Variants in ACOX3 observed in about 807,000 individuals in gnomAD.
The protein encoded by ACOX3 is peroxisomal acyl-coenzyme A oxidase 3.
A neutral mutation model predicts 81.5 loss-of-function variants in ACOX3; 73 were observed. The observed-to-expected ratio is 0.90, with a 90% CI of 0.74 to 1.09. The LOEUF is 1.09. Among genes scored for constraint, ACOX3 ranks in the 50% least tolerant of loss-of-function variants. ACOX3 has a pLI of 0.00. For missense variants in ACOX3, 947 were observed against 928.0 expected, an observed-to-expected ratio of 1.02 and a Z score of -0.27; for synonymous variants, 387 against 375.1, an observed-to-expected ratio of 1.03 and a Z score of -0.37.
At chr4:8,409,054 G>A (rs1721388719) in intron 6 of ACOX3, among the ~76,000 whole-genome samples, 1 of 152,178 alleles carries the variant, frequency 6.6e-6, no homozygotes, top group Admixed American at 6.5e-5. Context: ...GCGTTGTGAT[G>A]GCTGCATGAC....
Position 8,366,792 on chromosome 4 carries a change from C to A in ACOX3, c.*169G>T. On this transcript the variant is annotated 3_prime_UTR_variant, in exon 18 of 18. Transcript: ENST00000356406. ...CAGATTAGTCCAGCCGGCCGGGTGCCTCCCTCCCGTCCGCCTGGGCAGTTG... is the reference window on the plus strand; with the variant it reads ...CAGATTAGTCCAGCCGGCCGGGTGCATCCCTCCCGTCCGCCTGGGCAGTTG... 1 of 861,020 alleles carries A rather than the reference C, an allele frequency of 1.2e-6. No homozygotes were observed. Among genetic ancestry groups the A allele is most frequent in the Non-Finnish European group, 1.7e-6 (1 of 581,784 alleles). 53.3% of individuals were successfully genotyped at this position (861,020 alleles called of 1,614,324 possible). A position where few individuals can be genotyped will look rare whatever the true frequency, so the allele number is the denominator to read the frequency against.
downstream of ACOX3, among the ~76,000 whole-genome samples, chr4:8,364,602 G>A (rs1012716542): frequency 6.6e-6 from 1 of 152,160 alleles, no homozygotes; most frequent in East Asian, 1.9e-4. The surrounding 1 kb of genome is among the most constrained non-coding windows in gnomAD (Gnocchi z 5.0). Flanking sequence ...TCTCCTGCAC[G>A]AGAACCTGTC....
chr4:8,356,572 C>T, the ACOX3 span: 7 of 456,614 alleles, frequency 1.5e-5, no homozygotes, highest in Non-Finnish European at 3.1e-5. Context: ...ACCACACACA[C>T]GTACACAGAG....
At chr4:8,362,719 C>T (rs1230003982), downstream of ACOX3, among the ~76,000 whole-genome samples, 1 of 152,184 alleles carries the variant, frequency 6.6e-6, no homozygotes, top group Non-Finnish European at 1.5e-5. Flanking sequence ...CTGACAGGTC[C>T]AGTAGCCCCA....
At chr4:8,373,246 G>C (rs1716460518) in intron 16 of ACOX3, among the ~76,000 whole-genome samples, 1 of 151,884 alleles carries the variant, frequency 6.6e-6, no homozygotes, top group Admixed American at 6.5e-5. Flanking sequence ...TTCTGATGTA[G>C]CCATATTTTC....
Position 8,415,914 on chromosome 4 carries a change from A to G in ACOX3, c.230T>C (p.Leu77Pro). The G allele has an allele frequency of 1.2e-6, 2 of 1,614,234 alleles. No individual in the cohort carries two copies. The highest frequency in any genetic ancestry group is 1.7e-6 in the Non-Finnish European group (2 of 1,180,048). Residue 77 changes from leucine (L) to proline (P), a missense_variant, in exon 3 of 18, where the codon CTG becomes CCG. By Grantham distance (98) the Leu-to-Pro change is moderately conservative. Transcript: ENST00000356406. ...ADLSLEKYRE[L>P]NFLRCKRIFE... Reference sequence around the variant, plus strand: ...GATCCGCTTGCATCGAAGGAAGTTCAGCTCGCGATACTTCTCCAAGGACAG... The same window carrying G: ...GATCCGCTTGCATCGAAGGAAGTTCGGCTCGCGATACTTCTCCAAGGACAG...
rs568280026 is a variant in ACOX3, at chr4:8,378,487, G to A, written c.1653+3005C>T. Among the ~76,000 whole-genome samples the A allele has an allele frequency of 4.6e-5, 7 of 152,236 alleles. No individual in the cohort carries two copies. The South Asian group carries it at 8.3e-4, about 18-fold the overall frequency. On this transcript the variant is annotated intron_variant, in intron 14 of 17. Transcript: ENST00000356406. ...TTGTGGCAGGGGTTGGTCCCAGGCT[G>A]GAGGCAGGCTGCGGGGACGCCACCA... is the stretch of plus-strand genomic sequence containing the variant.
At position 8,414,324 on chromosome 4, in the gene ACOX3, G is replaced by C. The variant is rs140131783; in HGVS notation, c.511C>G (p.Arg171Gly). ...GCAGGATCGTAGTGGGCAGTTGTGC[G>C]AATGGCCTTGGTATTACTGCCGTGG... is the stretch of plus-strand genomic sequence containing the variant. Reference protein sequence around the residue: ...LSHGSNTKAIRTTAHYDPATE... With the variant: ...LSHGSNTKAIGTTAHYDPATE... Residue 171 changes from arginine (R) to glycine (G), a missense_variant, in exon 5 of 18, where the codon CGC becomes GGC. Transcript: ENST00000356406. This position sits in a 1 kb window ranked among gnomAD's most constrained non-coding sequence, Gnocchi z 6.1. The C allele has an allele frequency of 1.2e-4, 187 of 1,613,982 alleles. No individual in the cohort carries two copies. Among genetic ancestry groups the C allele is most frequent in the Non-Finnish European group, 1.6e-4 (183 of 1,180,018 alleles).
the ACOX3 span, chr4:8,355,626 C>T: frequency 6.6e-6 from 1 of 152,160 alleles, no homozygotes; most frequent in Non-Finnish European, 1.5e-5. Context: ...AAGGACTTTC[C>T]AAGCATGACC....
At chr4:8,438,843 C>G (rs1724403243) in intron 1 of ACOX3, 1 of 152,186 alleles carries the variant, frequency 6.6e-6, no homozygotes, top group Non-Finnish European at 1.5e-5. Flanking sequence ...GACCAGCCAG[C>G]AGGACACAGA....
intron 1 of ACOX3, among the ~76,000 whole-genome samples, chr4:8,417,481 T>C (rs1722465052): frequency 6.6e-6 from 1 of 151,772 alleles, no homozygotes; most frequent in South Asian, 2.1e-4. Flanking sequence ...GTGAGCCAAG[T>C]ACTACTGCCC....
chr4:8,379,873 C>G (rs527610791), intron 14 of ACOX3, among the ~76,000 whole-genome samples: 29 of 152,264 alleles, frequency 1.9e-4, no homozygotes, highest in Admixed American at 5.2e-4. Context: ...GCAGCCTCAA[C>G]CTCCTGGGCT....
chr4:8,365,166 G>A (rs73799143), downstream of ACOX3, among the ~76,000 whole-genome samples: 2,668 of 152,322 alleles, frequency 0.018, 79 homozygotes, highest in African/African-American at 0.061. Flanking sequence ...TGGGGACCCC[G>A]GGCCCGTGAG....
At chr4:8,373,799 C>A in intron 15 of ACOX3, 171 bp from the exon 16 acceptor site, 1 of 635,246 alleles carries the variant, frequency 1.6e-6, no homozygotes. Flanking sequence ...GAATGTGCTG[C>A]TCAGGGGCCG....
In ACOX3 at chr4:8,384,614, C is replaced by T. The variant is rs1296053573; in HGVS notation, c.1538-3007G>A. On this transcript the variant is annotated intron_variant, in intron 13 of 17. Coordinates refer to ENST00000356406, the MANE Select transcript of ACOX3 (RefSeq NM_003501.3). The surrounding 1 kb of genome is among the most constrained non-coding windows in gnomAD (Gnocchi z 5.3). ...CCGCCCTGTGCACCCAATGACTGCC[C>T]CTCGATCTGCCCCCTCCCCAGCTGG... Among the ~76,000 whole-genome samples the T allele has an allele frequency of 6.6e-6, 1 of 152,132 alleles. No homozygotes were observed. Among genetic ancestry groups the T allele is most frequent in the Non-Finnish European group, 1.5e-5 (1 of 68,020 alleles).
rs893257176 is a variant in ACOX3, at chr4:8,386,809, C to T, written c.1537+2364G>A. Among the ~76,000 whole-genome samples, 5 of 152,226 alleles carry T rather than the reference C, an allele frequency of 3.3e-5. No individual in the cohort carries two copies. The highest frequency in any genetic ancestry group is 7.2e-5 in the African/African-American group (3 of 41,466). ...AGCCGGACCGGCCCAGGCTCCACACCGGCTTCGGCCACGGCTGTTGTCCTG... is the reference window on the plus strand; with the variant it reads ...AGCCGGACCGGCCCAGGCTCCACACTGGCTTCGGCCACGGCTGTTGTCCTG... On this transcript the variant is annotated intron_variant, in intron 13 of 17. Coordinates refer to ENST00000356406, the MANE Select transcript of ACOX3 (RefSeq NM_003501.3). The surrounding 1 kb of genome is among the most constrained non-coding windows in gnomAD (Gnocchi z 5.2).
chr4:8,415,007 G>T, intron 3 of ACOX3, 79 bp from the exon 4 acceptor site: 1 of 1,304,228 alleles, frequency 7.7e-7, no homozygotes, highest in Admixed American at 1.7e-5. Flanking sequence ...AACAGACAAC[G>T]GCACTCAACA....
the ACOX3 span, chr4:8,357,157 T>A: frequency 2.2e-6 from 1 of 456,598 alleles, no homozygotes; most frequent in Non-Finnish European, 4.4e-6. Flanking sequence ...GGGAAGAAAG[T>A]GAGCAGAACG....
chr4:8,365,652 T>C (rs1168959067), downstream of ACOX3, among the ~76,000 whole-genome samples: 1 of 152,144 alleles, frequency 6.6e-6, no homozygotes, highest in Non-Finnish European at 1.5e-5. Context: ...TGATGAATCC[T>C]GAGTGCTCAG....
Sources: gnomAD v4.1 joint callset for allele counts (sites outside exome capture counted in the v4.1 genomes callset) on GRCh38, gnomAD v4.1.1 for gene constraint, Gnocchi (gnomAD v3.1) non-coding constraint, MANE v1.5 for transcripts, NCBI Gene and HGNC (gene_info 2026-07-23, HGNC 2026-07-21) for gene names.